ZNF521: variants seen among roughly 807,000 people sequenced by gnomAD.
ZNF521 encodes the protein LYST-interacting protein 3.
ZNF521 carries 14 observed loss-of-function variants against 105.5 expected under a neutral mutation model. That is an observed-to-expected ratio of 0.13 (90% CI 0.09 to 0.21). The LOEUF (loss-of-function observed/expected upper bound fraction) is 0.21. Among genes scored for constraint, ZNF521 ranks in the 10% least tolerant of loss-of-function variants. The probability of loss-of-function intolerance (pLI) is 1.00; values close to 1 mark genes in which losing one functional copy is unlikely to be tolerated. For synonymous variants in ZNF521, 635 were observed against 606.0 expected (o/e 1.05, Z -0.70); for missense variants, 1,233 against 1,629.7 (o/e 0.76, Z 4.19).
chr18:25,304,530 G>A (rs73947304), intron 3 of ZNF521, among the ~76,000 whole-genome samples: 2,304 of 152,232 alleles, frequency 0.015, 56 homozygotes, highest in African/African-American at 0.052. Flanking sequence ...TATTCTGAGT[G>A]TGCAAATGTT....
intron 5 of ZNF521, among the ~76,000 whole-genome samples, chr18:25,120,946 C>A (rs1419736697): frequency 6.6e-6 from 1 of 152,018 alleles, no homozygotes; most frequent in Non-Finnish European, 1.5e-5. Context: ...TGGTAAGAAA[C>A]CTGGTTCAGG....
chr18:25,319,780 G>A (rs1286460465), intron 3 of ZNF521, among the ~76,000 whole-genome samples: 1 of 152,112 alleles, frequency 6.6e-6, no homozygotes, highest in Non-Finnish European at 1.5e-5. Flanking sequence ...CATCAACATG[G>A]TAACAAACTA....
Position 25,223,691 on chromosome 18 carries a change from G to GA in ZNF521, c.3573+653dup, listed in dbSNP as rs971083490. Among the ~76,000 whole-genome samples the GA allele has an allele frequency of 9.8e-3, 1,407 of 143,794 alleles. 18 individuals are homozygous for GA. The highest frequency in any genetic ancestry group is 0.032 in the African/African-American group (1,275 of 39,566). 94.3% of individuals were successfully genotyped at this position (143,794 alleles called of 152,430 possible). ...CAGAAAACTACTCTGAAACTAAGGA[G>GA]AAAAAAAAAAACGCACACATTGATT... On this transcript the variant is annotated intron_variant, in intron 4 of 7. Transcript: ENST00000361524.
intron 5 of ZNF521, among the ~76,000 whole-genome samples, chr18:25,171,774 A>G (rs1336555425): frequency 6.6e-6 from 1 of 152,128 alleles, no homozygotes; most frequent in Non-Finnish European, 1.5e-5. Context: ...GCTAAGAATG[A>G]CTGACTGGTA....
chr18:25,114,997 T>C (rs1363535782), intron 5 of ZNF521, among the ~76,000 whole-genome samples: 1 of 151,984 alleles, frequency 6.6e-6, no homozygotes, highest in Non-Finnish European at 1.5e-5. Flanking sequence ...TGTTTTCCTT[T>C]ATAAATTTGC....
At chr18:25,284,906 G>GCA (rs1314714953) in intron 3 of ZNF521, among the ~76,000 whole-genome samples, 6 of 142,256 alleles carry the variant, frequency 4.2e-5, no homozygotes, top group African/African-American at 1.6e-4. Context: ...GTGCGTGCGC[G>GCA]CGCGCACACA....
chr18:25,062,867 T>TG, intron 7 of ZNF521, 126 bp from the exon 8 acceptor site: 1 of 941,908 alleles, frequency 1.1e-6, no homozygotes, highest in Non-Finnish European at 1.5e-6. Flanking sequence ...CATAATGACT[T>TG]GAACAGAACA....
chr18:25,126,725 A>G (rs2144374672), intron 5 of ZNF521, among the ~76,000 whole-genome samples: 1 of 152,248 alleles, frequency 6.6e-6, no homozygotes, highest in East Asian at 1.9e-4. Context: ...AATCTTGGAC[A>G]TCAGGAGAAA....
chr18:25,320,482 T>C (rs1256540743), intron 3 of ZNF521, among the ~76,000 whole-genome samples: 2 of 152,206 alleles, frequency 1.3e-5, no homozygotes, highest in Non-Finnish European at 2.9e-5. Flanking sequence ...AAAGGCTAAC[T>C]TTCTCAGTTT....
At chr18:25,128,368 G>C (rs186038660) in intron 5 of ZNF521, among the ~76,000 whole-genome samples, 14 of 151,914 alleles carry the variant, frequency 9.2e-5, no homozygotes, top group Non-Finnish European at 1.9e-4. Flanking sequence ...CATACCAGTG[G>C]TAAGAAGCTA....
intron 3 of ZNF521, among the ~76,000 whole-genome samples, chr18:25,268,176 G>C (rs994853497): frequency 6.6e-6 from 1 of 152,252 alleles, no homozygotes; most frequent in East Asian, 1.9e-4. Context: ...CAGAGGAAAG[G>C]ATATCAGAGA....
chr18:25,109,081 A>G (rs546430080), intron 5 of ZNF521, among the ~76,000 whole-genome samples: 58 of 152,184 alleles, frequency 3.8e-4, no homozygotes, highest in Non-Finnish European at 7.5e-4. Flanking sequence ...CACTGTACTC[A>G]ATAGGTATTT....
intron 5 of ZNF521, among the ~76,000 whole-genome samples, chr18:25,178,235 T>G (rs2035568189): frequency 6.6e-6 from 1 of 152,232 alleles, no homozygotes; most frequent in South Asian, 2.1e-4. Context: ...GAAAGAGGCT[T>G]CTAGAAATGT....
chr18:25,250,508 C>T (rs1908040544), intron 3 of ZNF521, among the ~76,000 whole-genome samples: 1 of 152,202 alleles, frequency 6.6e-6, no homozygotes, highest in South Asian at 2.1e-4. Context: ...ATAAGAATGA[C>T]TGCAATATGC....
chr18:25,209,319 A>G (rs1198851061), intron 4 of ZNF521, among the ~76,000 whole-genome samples: 3 of 151,972 alleles, frequency 2.0e-5, no homozygotes, highest in Admixed American at 6.6e-5. Context: ...TTTAGTAGAG[A>G]CAGGGTTTCA....
At position 25,226,252 on chromosome 18, in the gene ZNF521, C is replaced by G; in HGVS notation, c.1666G>C (p.Val556Leu). Residue 556 changes from valine (V) to leucine (L), a missense_variant, in exon 4 of 8, where the codon GTA becomes CTA. By Grantham distance (32) the Val-to-Leu change is conservative. This residue lies in a region of ZNF521 where 380 missense variants were observed against 478.0 expected (regional missense o/e 0.80). Coordinates refer to ENST00000361524, the MANE Select transcript of ZNF521 (RefSeq NM_015461.3). This position sits in a 1 kb window ranked among gnomAD's most constrained non-coding sequence, Gnocchi z 4.1. ...TAGGAACAAGAATAGACTTCTACTA[C>G]TGGTTCTTTGGGAGTCCCAAGCACT... ...SPVLGTPKEP[V>L]VEVYSCSYCT... 6.2e-7 allele frequency: 1 copy of G among 1,614,216 alleles called. No individual in the cohort carries two copies. The highest frequency in any genetic ancestry group is 8.5e-7 in the Non-Finnish European group (1 of 1,180,022).
At chr18:25,240,891 C>T (rs1212592483) in intron 3 of ZNF521, among the ~76,000 whole-genome samples, 2 of 150,218 alleles carry the variant, frequency 1.3e-5, no homozygotes, top group Non-Finnish European at 3.0e-5. Context: ...ACAGGCAGGC[C>T]AGCACTGGGG....
chr18:25,098,294 A>G (rs1012502426), intron 5 of ZNF521, among the ~76,000 whole-genome samples: 3 of 152,124 alleles, frequency 2.0e-5, no homozygotes, highest in Non-Finnish European at 2.9e-5. Context: ...ACAGACTACA[A>G]TGTTTTTCAA....
intron 7 of ZNF521, among the ~76,000 whole-genome samples, chr18:25,064,580 T>G (rs925861029): frequency 9.2e-5 from 14 of 152,204 alleles, no homozygotes; most frequent in Non-Finnish European, 1.9e-4. Context: ...GAGACTGTCT[T>G]GTAGGTTAAG....
Sources: allele counts gnomAD v4.1 joint callset (sites outside exome capture counted in the v4.1 genomes callset), GRCh38; gene constraint gnomAD v4.1.1; regional missense constraint gnomAD v4.1.1; non-coding constraint Gnocchi (gnomAD v3.1); transcripts MANE v1.5; gene names NCBI Gene and HGNC (gene_info 2026-07-23, HGNC 2026-07-21).